Variants in GSK3B observed in about 807,000 individuals in gnomAD.
GSK3B encodes the protein glycogen synthase kinase-3 beta.
GSK3B carries 15 observed loss-of-function variants against 56.4 expected under a neutral mutation model. The observed-to-expected ratio is 0.27, with a 90% CI of 0.18 to 0.41. GSK3B has a LOEUF of 0.41. Ranked by LOEUF, GSK3B falls within the 10% of genes least tolerant of loss-of-function variation. The pLI, the probability that GSK3B is intolerant of heterozygous loss-of-function variation, is 1.00. For missense variants in GSK3B, 300 were observed against 513.4 expected (o/e 0.58, Z 4.02); for synonymous variants, 181 against 188.9 (o/e 0.96, Z 0.34).
chr3:119,997,003 G>GA (rs2057625325), intron 2 of GSK3B, among the ~76,000 whole-genome samples: 2 of 151,930 alleles, frequency 1.3e-5, no homozygotes, highest in South Asian at 2.1e-4. Context: ...AGATCATAGG[G>GA]AAAAAAACCA....
chr3:119,861,987 G>A (rs1156916401), intron 9 of GSK3B, among the ~76,000 whole-genome samples: 3 of 151,410 alleles, frequency 2.0e-5, no homozygotes, highest in African/African-American at 7.3e-5. Context: ...AAATACAAAT[G>A]CATTCTCCAA....
At chr3:119,924,467 G>C (rs143463891) in intron 3 of GSK3B, among the ~76,000 whole-genome samples, 26 of 152,288 alleles carry the variant, frequency 1.7e-4, no homozygotes, top group African/African-American at 5.8e-4. Context: ...CATATTATCA[G>C]TGGCCACAGC....
At chr3:119,925,357 A>C (rs1156708687) in intron 3 of GSK3B, among the ~76,000 whole-genome samples, 1 of 152,030 alleles carries the variant, frequency 6.6e-6, no homozygotes, top group African/African-American at 2.4e-5. Context: ...ATAATTATAC[A>C]CTTTCCTGGT....
rs2055410361 is a variant in GSK3B, at chr3:119,821,640, G to A, written c.*5148C>T. 1 of 152,252 alleles carries A rather than the reference G, an allele frequency of 6.6e-6. No individual in the cohort carries two copies. The allele number at this position is 152,252 out of a possible 1,614,324, so 9.4% of individuals were successfully genotyped here. ...ATCATGAACACAGTAATCAAAGACAGCAGCTTATACACATTTAAAAACTGT... is the reference window on the plus strand; with the variant it reads ...ATCATGAACACAGTAATCAAAGACAACAGCTTATACACATTTAAAAACTGT... On this transcript the variant is annotated 3_prime_UTR_variant, in exon 11 of 11. Coordinates refer to ENST00000264235, the MANE Select transcript of GSK3B (RefSeq NM_001146156.2).
chr3:120,087,978 C>T (rs2058479519), intron 1 of GSK3B, among the ~76,000 whole-genome samples: 1 of 152,062 alleles, frequency 6.6e-6, no homozygotes, highest in Admixed American at 6.5e-5. Context: ...CTGCAATCTC[C>T]GCCTCATGGG....
At chr3:120,013,502 G>A (rs1365851540) in intron 1 of GSK3B, among the ~76,000 whole-genome samples, 1 of 152,154 alleles carries the variant, frequency 6.6e-6, no homozygotes, top group African/African-American at 2.4e-5. Flanking sequence ...CCTTGCTGTG[G>A]AGAGTTAAGT....
chr3:119,988,669 T>C lies in GSK3B; in HGVS notation c.282+13377A>G, dbSNP rs567498866. On this transcript the variant is annotated intron_variant, in intron 2 of 10. Transcript: ENST00000264235. ...AGCAGACCAGGAATACCAAGTTATC[T>C]TGGGACCTCAAGAGGAAAGAAATTC... 2.2e-4 allele frequency among the ~76,000 whole-genome samples: 33 copies of C among 152,316 alleles called. No homozygotes were observed. The South Asian group carries it at 6.4e-3, about 30-fold the overall frequency.
intron 6 of GSK3B, among the ~76,000 whole-genome samples, chr3:119,907,519 C>A (rs1353730140): frequency 6.6e-6 from 1 of 152,132 alleles, no homozygotes; most frequent in Non-Finnish European, 1.5e-5. Flanking sequence ...ACACTAAAAT[C>A]TCTTCTGCTC....
chr3:119,964,726 A>G (rs1049473167), intron 2 of GSK3B, among the ~76,000 whole-genome samples: 10 of 152,184 alleles, frequency 6.6e-5, no homozygotes, highest in Non-Finnish European at 1.5e-4. Flanking sequence ...AAAATTTGCT[A>G]AGAGGGTAAA....
chr3:119,904,769 G>A (rs557244034), intron 7 of GSK3B, among the ~76,000 whole-genome samples: 1 of 152,180 alleles, frequency 6.6e-6, no homozygotes, highest in African/African-American at 2.4e-5. Context: ...CCATTTGTTA[G>A]GAATGTAACT....
intron 1 of GSK3B, among the ~76,000 whole-genome samples, chr3:120,042,863 C>T (rs2058074753): frequency 6.6e-6 from 1 of 152,172 alleles, no homozygotes; most frequent in African/African-American, 2.4e-5. Flanking sequence ...TTGCCATGGA[C>T]CAAATGTCTT....
chr3:120,012,602 T>C (rs1354024338), intron 1 of GSK3B, among the ~76,000 whole-genome samples: 4 of 152,148 alleles, frequency 2.6e-5, no homozygotes, highest in African/African-American at 2.4e-5. Flanking sequence ...TAAACCAGAA[T>C]AGACCCCTCA....
chr3:120,084,171 G>A (rs1214923024), intron 1 of GSK3B, among the ~76,000 whole-genome samples: 1 of 152,066 alleles, frequency 6.6e-6, no homozygotes, highest in Non-Finnish European at 1.5e-5. Context: ...TATACTACTT[G>A]TTTCTACATA....
intron 8 of GSK3B, among the ~76,000 whole-genome samples, chr3:119,870,205 C>T (rs1402460493): frequency 6.6e-6 from 1 of 152,148 alleles, no homozygotes; most frequent in East Asian, 1.9e-4. Context: ...CTTGTAACAC[C>T]TACAGCCATG....
chr3:120,088,290 T>C (rs1466187312), intron 1 of GSK3B, among the ~76,000 whole-genome samples: 1 of 142,140 alleles, frequency 7.0e-6, no homozygotes, highest in Non-Finnish European at 1.5e-5. Flanking sequence ...GTACTGAGTA[T>C]TAGCTCATTT....
chr3:119,942,933 A>G (rs1029094427), intron 3 of GSK3B, among the ~76,000 whole-genome samples: 4 of 152,210 alleles, frequency 2.6e-5, no homozygotes, highest in African/African-American at 9.6e-5. Context: ...ACTGGGTAAC[A>G]TAGAGTATAC....
intron 1 of GSK3B, among the ~76,000 whole-genome samples, chr3:120,058,946 G>A (rs1025220497): frequency 4.0e-5 from 6 of 150,920 alleles, no homozygotes; most frequent in Admixed American, 6.6e-5. Context: ...GGAAGCACAC[G>A]TTGCAGTGAG....
intron 1 of GSK3B, among the ~76,000 whole-genome samples, chr3:120,092,718 C>T (rs1441809174): frequency 2.6e-5 from 4 of 152,170 alleles, no homozygotes. Flanking sequence ...GTTACTGCTG[C>T]TAGGTATTTA....
intron 2 of GSK3B, among the ~76,000 whole-genome samples, chr3:119,997,654 T>C (rs2057632943): frequency 6.6e-6 from 1 of 152,194 alleles, no homozygotes; most frequent in South Asian, 2.1e-4. Context: ...TGATATTTGA[T>C]ACACAGATTT....
Sources: gnomAD v4.1 joint callset for allele counts (sites outside exome capture counted in the v4.1 genomes callset) on GRCh38, gnomAD v4.1.1 for gene constraint, MANE v1.5 for transcripts, NCBI Gene and HGNC (gene_info 2026-07-23, HGNC 2026-07-21) for gene names.